The following PHIP variants were observed in gnomAD, a reference collection of about 807,000 sequenced individuals.
PHIP encodes PH-interacting protein.
Under a neutral mutation model 236.8 loss-of-function variants are expected in PHIP, and 54 were observed. That is an observed-to-expected ratio of 0.23 (90% confidence interval 0.18 to 0.29). The LOEUF (loss-of-function observed/expected upper bound fraction) is 0.29, where lower values mean the gene tolerates loss of function less well. PHIP is among the 10% of genes least tolerant of loss of function. The pLI, the probability that PHIP is intolerant of heterozygous loss-of-function variation, is 1.00. For synonymous variants in PHIP, 756 were observed against 718.9 expected (o/e 1.05, Z -0.83); for missense variants, 1,370 against 2,190.8 (o/e 0.63, Z 7.48).
intron 4 of PHIP, 109 bp downstream of exon 4, chr6:79,077,339 G>A: frequency 9.6e-7 from 1 of 1,041,302 alleles, no homozygotes; most frequent in Non-Finnish European, 1.5e-6. Context: ...GGCCTTTGGA[G>A]CTTTCACGTT....
intron 4 of PHIP, 128 bp from the exon 5 acceptor site, chr6:79,060,946 T>C (rs1773340272): frequency 1.1e-5 from 6 of 570,468 alleles, no homozygotes; most frequent in African/African-American, 1.9e-5. Context: ...GTAAAGTAAA[T>C]CTCCAGAATA....
intron 17 of PHIP, among the ~76,000 whole-genome samples, chr6:79,000,666 C>CCA (rs1769927799): frequency 6.6e-6 from 1 of 152,064 alleles, no homozygotes; most frequent in Non-Finnish European, 1.5e-5. Context: ...AGACTGAAGA[C>CCA]ATTTCTCTTA....
chr6:78,979,621 T>C (rs1768373124), intron 23 of PHIP, among the ~76,000 whole-genome samples: 2 of 152,214 alleles, frequency 1.3e-5, no homozygotes, highest in South Asian at 4.1e-4. Context: ...ATGGTCTTGA[T>C]GTTGTTACCT....
chr6:78,968,623 GTATTA>G (rs1348536625), intron 27 of PHIP, among the ~76,000 whole-genome samples: 2 of 152,164 alleles, frequency 1.3e-5, no homozygotes, highest in Non-Finnish European at 1.5e-5. Context: ...AAAAGTATGT[GTATTA>G]TATTTAATCC....
intron 30 of PHIP, 135 bp downstream of exon 30, chr6:78,962,962 G>C: frequency 1.5e-6 from 1 of 674,498 alleles, no homozygotes; most frequent in Non-Finnish European, 2.5e-6. Flanking sequence ...CATTCAAAAA[G>C]AGATTCCACT....
chr6:78,934,788 G>A lies in PHIP; in HGVS notation c.*5905C>T, dbSNP rs1047428711. Among the ~76,000 whole-genome samples the A allele has an allele frequency of 3.9e-5, 6 of 152,142 alleles. No homozygotes were observed. The highest frequency in any genetic ancestry group is 1.5e-5 in the Non-Finnish European group (1 of 68,030). On this transcript the variant is annotated 3_prime_UTR_variant, in exon 40 of 40. Coordinates refer to ENST00000275034, the MANE Select transcript of PHIP (RefSeq NM_017934.7). ...TGAAGCTCTGAGATACGACTTTGCT[G>A]GGGTTCCTCTACTTCCTGTCAGGAA...
chr6:79,077,264 G>C (rs1057047911), intron 4 of PHIP, among the ~76,000 whole-genome samples, 184 bp downstream of exon 4: 7 of 151,932 alleles, frequency 4.6e-5, no homozygotes, highest in Non-Finnish European at 1.0e-4. Context: ...CTGCGGCCCC[G>C]AAGTACGAGT....
intron 15 of PHIP, among the ~76,000 whole-genome samples, chr6:79,012,242 TTAAAG>T (rs1036978921): frequency 3.1e-4 from 47 of 151,698 alleles, no homozygotes; most frequent in African/African-American, 1.0e-3. Flanking sequence ...AGGAGAAATA[TTAAAG>T]TATTCTTAAA....
intron 38 of PHIP, 133 bp downstream of exon 38, chr6:78,945,868 G>T: frequency 1.5e-6 from 1 of 683,740 alleles, no homozygotes; most frequent in Non-Finnish European, 2.5e-6. Context: ...TTTAAAATAG[G>T]AAATTAATAA....
rs192838643 is a variant in PHIP at position 79,041,058 on chromosome 6, T to C, written c.600+1785A>G. The stretch of plus-strand genomic sequence containing the variant: ...AAAGAATCAAATGTCTAGAAAAGGA[T>C]AGCAATTTTTTTCTGTACAGAGCTG... On this transcript the variant is annotated intron_variant, in intron 7 of 39. Transcript: ENST00000275034. 6.4e-4 allele frequency among the ~76,000 whole-genome samples: 97 copies of C among 152,238 alleles called. 1 individual carries two copies. The South Asian group carries it at 8.1e-3, about 13-fold the overall frequency.
In PHIP at chr6:79,042,744, TAAAAG is replaced by T. The variant is rs369875188; in HGVS notation, c.600+94_600+98del. The T allele has an allele frequency of 6.9e-4, 586 of 850,556 alleles. 8 individuals are homozygous for T. The highest frequency in any genetic ancestry group is 6.4e-3 in the South Asian group (281 of 43,588). The allele number at this position is 850,556 out of a possible 1,614,324, so 52.7% of individuals were successfully genotyped here. On this transcript the variant is annotated intron_variant, in intron 7 of 39. Transcript: ENST00000275034. ...ACCACCTGAATTTCCGGTTTCCTAT[TAAAAG>T]AAAAAAAAGCAAGGTTTTACTTCAA... is the stretch of plus-strand genomic sequence containing the variant.
intron 19 of PHIP, among the ~76,000 whole-genome samples, chr6:78,993,525 C>T (rs1271328838): frequency 1.3e-5 from 2 of 152,172 alleles, no homozygotes; most frequent in Admixed American, 6.5e-5. Context: ...GAAGCTAATG[C>T]TCATTTATCA....
In PHIP at chr6:79,021,243, T is replaced by C. The variant is rs554380567; in HGVS notation, c.924-2084A>G. Among the ~76,000 whole-genome samples, 9 of 152,250 alleles carry C rather than the reference T, an allele frequency of 5.9e-5. No individual in the cohort carries two copies. The South Asian group carries it at 1.2e-3, about 21-fold the overall frequency. ...CTCACTGCAACCTCTGCCTCCCAGG[T>C]TCAAGTGATTCTCATGCCTCAGCCT... On this transcript the variant is annotated intron_variant, in intron 9 of 39. Coordinates refer to ENST00000275034, the MANE Select transcript of PHIP (RefSeq NM_017934.7).
chr6:79,062,805 A>C (rs1451526494), intron 4 of PHIP, among the ~76,000 whole-genome samples: 1 of 152,138 alleles, frequency 6.6e-6, no homozygotes, highest in Non-Finnish European at 1.5e-5. Context: ...GACTTTATAC[A>C]AGCTGATGCC....
rs770414001 is a variant in PHIP, at chr6:78,961,673, C to T, written c.3656+17G>A. The T allele has an allele frequency of 1.6e-5, 25 of 1,608,416 alleles. No individual in the cohort carries two copies. The highest frequency in any genetic ancestry group is 2.0e-5 in the Non-Finnish European group (24 of 1,176,862). On this transcript the variant is annotated intron_variant, in intron 31 of 39. Transcript: ENST00000275034. ...ACCAGCTTTCCTTTGATAGTAGCTACATCAAATGGTTCTAACCTGTAAAAC... is the reference window on the plus strand; with the variant it reads ...ACCAGCTTTCCTTTGATAGTAGCTATATCAAATGGTTCTAACCTGTAAAAC...
chr6:79,055,964 C>A (rs1165484366), intron 6 of PHIP, among the ~76,000 whole-genome samples: 1 of 152,150 alleles, frequency 6.6e-6, no homozygotes, highest in Non-Finnish European at 1.5e-5. Context: ...AACCTTCATT[C>A]CATTTTTGTA....
chr6:79,078,148 T>C lies in PHIP; in HGVS notation c.-80A>G. On this transcript the variant is annotated 5_prime_UTR_variant, in exon 1 of 40. Coordinates refer to ENST00000275034, the MANE Select transcript of PHIP (RefSeq NM_017934.7). ...GGGGACGGTGCCGCCGCCTGCCCTA[T>C]AGCTGTCAGTGTGTGTTCACGAGCC... is the stretch of plus-strand genomic sequence containing the variant. 7.1e-7 allele frequency: 1 copy of C among 1,408,062 alleles called. No individual in the cohort carries two copies. 87.2% of individuals were successfully genotyped at this position (1,408,062 alleles called of 1,614,324 possible). A position where few individuals can be genotyped will look rare whatever the true frequency, so the allele number is the denominator to read the frequency against.
intron 15 of PHIP, among the ~76,000 whole-genome samples, chr6:79,011,871 A>C (rs1355748933): frequency 1.3e-5 from 2 of 151,752 alleles, no homozygotes; most frequent in African/African-American, 2.4e-5. Flanking sequence ...AAATTTTTAA[A>C]AGTATAAGTC....
chr6:79,028,418 A>T (rs1771509550), intron 7 of PHIP, among the ~76,000 whole-genome samples: 1 of 152,184 alleles, frequency 6.6e-6, no homozygotes, highest in Non-Finnish European at 1.5e-5. Context: ...AGCAAAAAAG[A>T]ATAATCAAAG....
Sources: allele counts gnomAD v4.1 joint callset (sites outside exome capture counted in the v4.1 genomes callset), GRCh38; gene constraint gnomAD v4.1.1; transcripts MANE v1.5; gene names NCBI Gene and HGNC (gene_info 2026-07-23, HGNC 2026-07-21).